Variants in MROH1 observed in about 807,000 individuals in gnomAD.
The protein encoded by MROH1 is maestro heat like repeat family member 1.
Under a neutral mutation model 116.5 loss-of-function variants are expected in MROH1, and 117 were observed. The observed-to-expected ratio is 1.00, with a 90% CI of 0.86 to 1.17. The LOEUF (loss-of-function observed/expected upper bound fraction) is 1.17, where lower values mean the gene tolerates loss of function less well. MROH1 is among the 50% of genes most tolerant of loss of function. MROH1 has a pLI of 0.00. For synonymous variants in MROH1, 921 were observed against 583.9 expected, an observed-to-expected ratio of 1.58 and a Z score of -8.32; for missense variants, 1,873 against 1,338.5, an observed-to-expected ratio of 1.40 and a Z score of -6.23.
intron 38 of MROH1, 29 bp from the exon 39 acceptor site, chr8:144,260,157 G>A (rs1844747708): frequency 2.6e-6 from 2 of 763,320 alleles, no homozygotes; most frequent in Admixed American, 3.4e-5. Flanking sequence ...GTGACTCTGG[G>A]ACCCAGGCTG....
intron 9 of MROH1, 37 bp downstream of exon 9, chr8:144,191,892 AC>A (rs1467375524): frequency 1.2e-6 from 2 of 1,609,632 alleles, no homozygotes; most frequent in Admixed American, 3.3e-5. Context: ...GTCCCCGAGG[AC>A]CCCTCCAATC....
chr8:144,191,727 G>A lies in MROH1; in HGVS notation c.727G>A (p.Val243Met), dbSNP rs756359066. 1.1e-5 allele frequency: 18 copies of A among 1,612,624 alleles called. No homozygotes were observed. The highest frequency in any genetic ancestry group is 1.4e-5 in the Non-Finnish European group (17 of 1,179,660). ...QSREAKLRLA[V>M]VEALGPMSHL... ...TGTCCCCTCTCAGCTCCGTCTTGCC[G>A]TGGTGGAGGCTCTGGGGCCTATGAG... The change falls in exon 9 of 44, where the codon GTG becomes ATG. Residue 243 changes from valine to methionine, a missense_variant. Coordinates refer to ENST00000326134, the MANE Select transcript of MROH1 (RefSeq NM_032450.3).
rs1435191965 is a variant in MROH1, at chr8:144,182,598, A to AT, written c.562+2076dup. 6.6e-6 allele frequency among the ~76,000 whole-genome samples: 1 copy of AT among 152,182 alleles called. No homozygotes were observed. The highest frequency in any genetic ancestry group is 1.9e-4 in the East Asian group (1 of 5,196). ...AGATGCCATAATAGAAATGGGAAAAATAATAGAAGAATTGGAAGAGAAAGT... is the reference window on the plus strand; with the variant it reads ...AGATGCCATAATAGAAATGGGAAAAATTAATAGAAGAATTGGAAGAGAAAGT... On this transcript the variant is annotated intron_variant, in intron 7 of 43. Transcript: ENST00000326134. The surrounding 1 kb of genome is among the most constrained non-coding windows in gnomAD (Gnocchi z 4.1).
rs1824971003 is a variant in MROH1 at position 144,179,443 on chromosome 8, GTC to G, written c.169-7_169-6del. ...CTCACCTGGGACCGACCTGGACGGT[GTC>G]TCTCCGCAGCTGGCACACCCATACC... On this transcript the variant is annotated splice_polypyrimidine_tract_variant and intron_variant, in intron 4 of 43. Coordinates refer to ENST00000326134, the MANE Select transcript of MROH1 (RefSeq NM_032450.3). 6.2e-7 allele frequency: 1 copy of G among 1,612,950 alleles called. No individual in the cohort carries two copies. The highest frequency in any genetic ancestry group is 8.5e-7 in the Non-Finnish European group (1 of 1,179,516).
chr8:144,183,126 C>T (rs1826091202), intron 7 of MROH1, among the ~76,000 whole-genome samples: 1 of 151,788 alleles, frequency 6.6e-6, no homozygotes, highest in African/African-American at 2.4e-5. Flanking sequence ...GCCTGTAATC[C>T]CAGTACTTTG....
rs1188937814 is a variant in MROH1, at chr8:144,243,885, C to T, written c.2498C>T (p.Pro833Leu). 12 of 780,124 alleles carry T rather than the reference C, an allele frequency of 1.5e-5. No homozygotes were observed. The East Asian group carries it at 1.7e-4, about 11-fold the overall frequency. 48.3% of individuals were successfully genotyped at this position (780,124 alleles called of 1,614,324 possible). A position where few individuals can be genotyped will look rare whatever the true frequency, so the allele number is the denominator to read the frequency against. ...CAGGAGTTCATCAGGGCAGAGCCCC[C>T]GGACTCCTTGAGGACACCTATTCGG... Reference protein sequence around the residue: ...QMMEFIRAEPPDSLRTPIRKK... With the variant: ...QMMEFIRAEPLDSLRTPIRKK... The change falls in exon 26 of 44, where the codon CCG becomes CTG. Residue 833 changes from proline to leucine, a missense_variant. Transcript: ENST00000326134.
At chr8:144,256,425 C>T (rs1292812032) in intron 35 of MROH1, among the ~76,000 whole-genome samples, 1 of 151,760 alleles carries the variant, frequency 6.6e-6, no homozygotes, top group Non-Finnish European at 1.5e-5. Flanking sequence ...GGCCAGGACA[C>T]ACCAGGGGGA....
intron 7 of MROH1, among the ~76,000 whole-genome samples, chr8:144,183,244 T>G (rs1826120702): frequency 6.6e-6 from 1 of 151,612 alleles, no homozygotes; most frequent in Non-Finnish European, 1.5e-5. Flanking sequence ...TTGCCAGGTA[T>G]GGTAGCACAT....
At chr8:144,252,656 AG>A (rs1173655983) in intron 33 of MROH1, 1 of 142,084 alleles carries the variant, frequency 7.0e-6, no homozygotes, top group Non-Finnish European at 1.5e-5. Context: ...CGACAGAGCA[AG>A]AACTCTGTCT....
chr8:144,154,423 G>C (rs1183323986), intron 1 of MROH1, among the ~76,000 whole-genome samples: 1 of 152,034 alleles, frequency 6.6e-6, no homozygotes, highest in Non-Finnish European at 1.5e-5. Context: ...CTGGCACTTT[G>C]TATGGGTCCC....
intron 37 of MROH1, 40 bp from the exon 38 acceptor site, chr8:144,259,871 G>C: frequency 1.4e-6 from 1 of 720,364 alleles, no homozygotes; most frequent in South Asian, 1.5e-5. Context: ...GAGCCCTGGG[G>C]TCAGCGGGGA....
chr8:144,253,016 T>G (rs1176490389), intron 33 of MROH1, among the ~76,000 whole-genome samples: 2 of 149,310 alleles, frequency 1.3e-5, no homozygotes, highest in Non-Finnish European at 3.0e-5. Flanking sequence ...TAGCTAGGCG[T>G]GGCAGCACGT....
chr8:144,162,400 C>CT (rs1188989216), intron 2 of MROH1, among the ~76,000 whole-genome samples: 46 of 128,250 alleles, frequency 3.6e-4, no homozygotes, highest in East Asian at 4.7e-4. Flanking sequence ...TTTTTCTTTT[C>CT]TTTTTTTTTG....
chr8:144,259,597 A>C (rs879812991), intron 37 of MROH1, among the ~76,000 whole-genome samples: 2 of 152,116 alleles, frequency 1.3e-5, no homozygotes, highest in East Asian at 3.9e-4. Context: ...CCCCAAGTCC[A>C]GCTGGGTACA....
At chr8:144,181,239 G>A (rs916940852) in intron 7 of MROH1, among the ~76,000 whole-genome samples, 10 of 120,242 alleles carry the variant, frequency 8.3e-5, no homozygotes, top group East Asian at 7.6e-4. Context: ...CTCTGGGGCC[G>A]GGGGCCGTTA....
chr8:144,190,995 C>A, intron 8 of MROH1, 60 bp downstream of exon 8: 2 of 1,538,218 alleles, frequency 1.3e-6, no homozygotes, highest in South Asian at 1.2e-5. Context: ...TCCCCACATT[C>A]CCTGCCCGTG....
chr8:144,180,648 A>G lies in MROH1; in HGVS notation c.562+125A>G. ...TGCAGGAAGGGGGGCTGTTGGAGGGAGGGGCCCCCTGGCTGAGGCTGCTGG... is the reference window on the plus strand; with the variant it reads ...TGCAGGAAGGGGGGCTGTTGGAGGGGGGGGCCCCCTGGCTGAGGCTGCTGG... On this transcript the variant is annotated intron_variant, in intron 7 of 43. Coordinates refer to ENST00000326134, the MANE Select transcript of MROH1 (RefSeq NM_032450.3). This position sits in a 1 kb window ranked among gnomAD's most constrained non-coding sequence, Gnocchi z 7.4. 5 of 884,078 alleles carry G rather than the reference A, an allele frequency of 5.7e-6. No homozygotes were observed. Among genetic ancestry groups the G allele is most frequent in the Non-Finnish European group, 8.3e-6 (5 of 600,306 alleles). 54.8% of individuals were successfully genotyped at this position (884,078 alleles called of 1,614,324 possible).
At chr8:144,199,406 C>A (rs1179539205) in intron 11 of MROH1, among the ~76,000 whole-genome samples, 3 of 152,158 alleles carry the variant, frequency 2.0e-5, no homozygotes, top group African/African-American at 7.2e-5. Flanking sequence ...TTGTTCACCT[C>A]CGAGGAGCGT....
chr8:144,192,373 A>C lies in MROH1; in HGVS notation c.920A>C (p.Asp307Ala). ...AGCCGCACACTGGAGACCCAGCTGG[A>C]TGCCCTCTTGGCTGCACTGCACTCC... ...VGSRTLETQL[D>A]ALLAALHSQI... is the part of the protein sequence containing the mutation. Residue 307 changes from aspartate (D) to alanine (A), a missense_variant, in exon 10 of 44, where the codon GAT becomes GCT. Asp to Ala is a moderately radical substitution (Grantham distance 126). Coordinates refer to ENST00000326134, the MANE Select transcript of MROH1 (RefSeq NM_032450.3). 6.3e-7 allele frequency: 1 copy of C among 1,596,888 alleles called. No individual in the cohort carries two copies. The highest frequency in any genetic ancestry group is 8.5e-7 in the Non-Finnish European group (1 of 1,175,032).
Sources: allele counts gnomAD v4.1 joint callset (sites outside exome capture counted in the v4.1 genomes callset), GRCh38; gene constraint gnomAD v4.1.1; non-coding constraint Gnocchi (gnomAD v3.1); transcripts MANE v1.5; gene names NCBI Gene and HGNC (gene_info 2026-07-23, HGNC 2026-07-21).